CERS6: variants seen among roughly 807,000 people sequenced by gnomAD.
CERS6 encodes LAG1 homolog, ceramide synthase 6.
In CERS6, 26 loss-of-function variants were observed where a neutral mutation model predicts 56.8. The ratio of observed to expected loss-of-function variants is 0.46; its 90% CI spans 0.34 to 0.63. The LOEUF is 0.63. Among genes scored for constraint, CERS6 ranks in the 30% least tolerant of loss-of-function variants. The probability of loss-of-function intolerance (pLI) is 0.01; values close to 1 mark genes in which losing one functional copy is unlikely to be tolerated. For missense variants in CERS6, 415 were observed against 467.5 expected (o/e 0.89, Z 1.04); for synonymous variants, 164 against 173.3 (o/e 0.95, Z 0.42).
chr2:168,758,252 G>A (rs1196499834), intron 8 of CERS6, among the ~76,000 whole-genome samples: 1 of 152,178 alleles, frequency 6.6e-6, no homozygotes, highest in Non-Finnish European at 1.5e-5. Flanking sequence ...GCAAAGTCAA[G>A]ACCATTCAAA....
At chr2:168,521,107 A>AC (rs919796724) in intron 1 of CERS6, among the ~76,000 whole-genome samples, 2 of 152,196 alleles carry the variant, frequency 1.3e-5, no homozygotes, top group Non-Finnish European at 2.9e-5. Context: ...TAATGATTCT[A>AC]CCTTCAGAGA....
At chr2:168,477,217 G>GAGTC (rs1223720730) in intron 1 of CERS6, among the ~76,000 whole-genome samples, 2 of 125,696 alleles carry the variant, frequency 1.6e-5, no homozygotes, top group African/African-American at 6.4e-5. Flanking sequence ...GAGAGAGAGA[G>GAGTC]AGTCTCATAG....
intron 1 of CERS6, among the ~76,000 whole-genome samples, chr2:168,521,407 G>T (rs1018572527): frequency 6.6e-6 from 1 of 152,068 alleles, no homozygotes; most frequent in Admixed American, 6.6e-5. Flanking sequence ...TGATAGATTT[G>T]TCATGAGTTG....
At chr2:168,458,789 C>G (rs1313816924) in intron 1 of CERS6, among the ~76,000 whole-genome samples, 2 of 152,224 alleles carry the variant, frequency 1.3e-5, no homozygotes, top group Non-Finnish European at 2.9e-5. Context: ...CCTATGATAG[C>G]TCTGTCTTTA....
At chr2:168,514,766 G>C (rs1336365116) in intron 1 of CERS6, among the ~76,000 whole-genome samples, 1 of 152,178 alleles carries the variant, frequency 6.6e-6, no homozygotes, top group African/African-American at 2.4e-5. Context: ...TCCATTTCCA[G>C]TAGAAATTAA....
intron 1 of CERS6, among the ~76,000 whole-genome samples, chr2:168,471,292 C>T (rs1433029186): frequency 6.6e-6 from 1 of 152,216 alleles, no homozygotes; most frequent in Non-Finnish European, 1.5e-5. Flanking sequence ...ACCAGATGGT[C>T]TGTTGTTCTC....
intron 6 of CERS6, among the ~76,000 whole-genome samples, chr2:168,714,060 G>C (rs976982781): frequency 6.6e-6 from 1 of 152,182 alleles, no homozygotes; most frequent in Non-Finnish European, 1.5e-5. Flanking sequence ...GGCAGATTTG[G>C]TATCTGATGA....
rs905500212 is a variant in CERS6 at position 168,620,859 on chromosome 2, C to T, written c.408-10126C>T. Among the ~76,000 whole-genome samples the T allele has an allele frequency of 2.7e-5, 4 of 150,542 alleles. No homozygotes were observed. The East Asian group carries it at 7.8e-4, about 30-fold the overall frequency. On this transcript the variant is annotated intron_variant, in intron 3 of 9. Transcript: ENST00000305747. ...CTCACTGCAGCCTTGACCACCTAGG[C>T]TCAAGTGATCCACCCACCTCAGCCT...
chr2:168,577,095 G>C (rs1456922136), intron 3 of CERS6, among the ~76,000 whole-genome samples: 1 of 152,186 alleles, frequency 6.6e-6, no homozygotes, highest in African/African-American at 2.4e-5. Context: ...CTTGGCAGTT[G>C]TTGGTGAATA....
At chr2:168,708,833 T>A (rs544329400) in intron 6 of CERS6, among the ~76,000 whole-genome samples, 16 of 152,220 alleles carry the variant, frequency 1.1e-4, no homozygotes, top group African/African-American at 3.8e-4. Flanking sequence ...GTTGCAAAAA[T>A]TATTCCCAGA....
chr2:168,562,055 C>T (rs917697806), intron 3 of CERS6, among the ~76,000 whole-genome samples: 19 of 152,142 alleles, frequency 1.2e-4, no homozygotes, highest in Non-Finnish European at 7.4e-5. Flanking sequence ...ATGTGGTCTT[C>T]ATCTTTTGGG....
At chr2:168,529,506 A>C (rs1048280658) in intron 1 of CERS6, among the ~76,000 whole-genome samples, 2 of 152,148 alleles carry the variant, frequency 1.3e-5, no homozygotes, top group African/African-American at 4.8e-5. Flanking sequence ...TTGATGACCA[A>C]ATTTTGTGGG....
intron 8 of CERS6, among the ~76,000 whole-genome samples, chr2:168,729,009 C>CAAAA (rs757181111): frequency 1.2e-4 from 7 of 59,908 alleles, no homozygotes; most frequent in African/African-American, 1.8e-4. Flanking sequence ...GACTCTGTCT[C>CAAAA]AAAAAAAAAA....
At position 168,754,786 on chromosome 2, in the gene CERS6, C is replaced by T. The variant is rs554404396; in HGVS notation, c.846-10806C>T. Among the ~76,000 whole-genome samples, 31 of 152,220 alleles carry T rather than the reference C, an allele frequency of 2.0e-4. 1 individual carries two copies. Among genetic ancestry groups the T allele is most frequent in the African/African-American group, 7.5e-4 (31 of 41,514 alleles). ...CTCTGTTTGTTTTTTTGAGACAGGC[C>T]TTTGCTCTGTTGCCCAGATGGAAGT... On this transcript the variant is annotated intron_variant, in intron 8 of 9. Transcript: ENST00000305747.
At chr2:168,556,086 A>G (rs1006148451) in intron 2 of CERS6, among the ~76,000 whole-genome samples, 2 of 152,104 alleles carry the variant, frequency 1.3e-5, no homozygotes, top group Non-Finnish European at 2.9e-5. Flanking sequence ...AAATTCTAAC[A>G]TACTCTTAAC....
intron 8 of CERS6, among the ~76,000 whole-genome samples, chr2:168,727,026 A>G (rs1683371641): frequency 6.6e-6 from 1 of 152,190 alleles, no homozygotes; most frequent in South Asian, 2.1e-4. Flanking sequence ...CTGTTGCCAG[A>G]ACCTCTTCCC....
chr2:168,649,156 A>G (rs1356989130), intron 4 of CERS6, among the ~76,000 whole-genome samples: 3 of 152,176 alleles, frequency 2.0e-5, no homozygotes, highest in East Asian at 1.9e-4. Context: ...TCCTCAGCAT[A>G]CTGCCTCAAG....
chr2:168,583,867 C>T (rs1683478383), intron 3 of CERS6, among the ~76,000 whole-genome samples: 1 of 152,180 alleles, frequency 6.6e-6, no homozygotes, highest in Admixed American at 6.5e-5. Context: ...TGTGAATATT[C>T]TCTGTTTGGC....
chr2:168,665,738 A>G (rs1162165675), intron 4 of CERS6, among the ~76,000 whole-genome samples: 1 of 152,196 alleles, frequency 6.6e-6, no homozygotes, highest in Admixed American at 6.5e-5. Flanking sequence ...TGACTGACAT[A>G]CAGTAGTCAG....
Sources: gnomAD v4.1 joint callset for allele counts (sites outside exome capture counted in the v4.1 genomes callset) on GRCh38, gnomAD v4.1.1 for gene constraint, MANE v1.5 for transcripts, NCBI Gene and HGNC (gene_info 2026-07-23, HGNC 2026-07-21) for gene names.